CEP57: variants seen among roughly 807,000 people sequenced by gnomAD.
The protein encoded by CEP57 is centrosomal protein of 57 kDa.
A neutral mutation model predicts 68.0 loss-of-function variants in CEP57; 40 were observed. The ratio of observed to expected loss-of-function variants is 0.59; its 90% CI spans 0.46 to 0.77. The LOEUF (loss-of-function observed/expected upper bound fraction) is 0.77, where lower values mean the gene tolerates loss of function less well. CEP57 is among the 30% of genes least tolerant of loss of function. CEP57 has a pLI of 0.00. For missense variants in CEP57, 606 were observed against 580.7 expected, an observed-to-expected ratio of 1.04 and a Z score of -0.45; for synonymous variants, 219 against 198.7, an observed-to-expected ratio of 1.10 and a Z score of -0.86.
intron 8 of CEP57, chr11:95,826,717 A>G (rs1862758644): frequency 6.6e-6 from 1 of 152,156 alleles, no homozygotes. Context: ...ACAGAACGAG[A>G]ATTTTTTAAA....
At chr11:95,790,387 G>A (rs541733528), upstream of CEP57, 34 of 481,020 alleles carry the variant, frequency 7.1e-5, no homozygotes, top group East Asian at 6.2e-4. Context: ...AGCGGGCCCC[G>A]TTACGCGCTA....
intron 2 of CEP57, among the ~76,000 whole-genome samples, chr11:95,810,190 G>T (rs1861993263): frequency 6.6e-6 from 1 of 152,156 alleles, no homozygotes; most frequent in African/African-American, 2.4e-5. Flanking sequence ...AGGTATTGAT[G>T]GGACGTATCT....
intron 1 of CEP57, among the ~76,000 whole-genome samples, chr11:95,793,097 A>G (rs779877074): frequency 1.3e-5 from 2 of 152,256 alleles, no homozygotes; most frequent in African/African-American, 4.8e-5. Flanking sequence ...ATTTTTAACA[A>G]GTAGATTCAT....
Position 95,827,980 on chromosome 11 carries a change from G to A in CEP57, c.1080G>A (p.Leu360=). 1.9e-6 allele frequency: 3 copies of A among 1,613,936 alleles called. No homozygotes were observed. The highest frequency in any genetic ancestry group is 2.5e-6 in the Non-Finnish European group (3 of 1,179,940). ...CCTCCAACGGTATTAATGAGGAGTTGTCAGAAGTCTTACAGACTTTACAGG... is the reference window on the plus strand; with the variant it reads ...CCTCCAACGGTATTAATGAGGAGTTATCAGAAGTCTTACAGACTTTACAGG... ...PPSSNGINEE[L]SEVLQTLQDE... The change falls in exon 9 of 11, where the codon TTG becomes TTA. Residue 360 remains leucine (L), a synonymous_variant. Transcript: ENST00000325542.
chr11:95,832,504 A>G lies in CEP57; in HGVS notation c.*1248A>G, dbSNP rs1863049138. 6.6e-6 allele frequency: 1 copy of G among 152,128 alleles called. No individual in the cohort carries two copies. The highest frequency in any genetic ancestry group is 1.9e-4 in the East Asian group (1 of 5,202). The allele number at this position is 152,128 out of a possible 1,614,324, so 9.4% of individuals were successfully genotyped here. On this transcript the variant is annotated 3_prime_UTR_variant, in exon 11 of 11. Coordinates refer to ENST00000325542, the MANE Select transcript of CEP57 (RefSeq NM_014679.5). Reference sequence around the variant, plus strand: ...ATTGTAAACTTGTGCTTCTGTGTCCAGTTTTCTAATGAGTAGGTTCGTAGC... The same window carrying G: ...ATTGTAAACTTGTGCTTCTGTGTCCGGTTTTCTAATGAGTAGGTTCGTAGC...
rs541516718 is a variant in CEP57 at position 95,794,611 on chromosome 11, C to T, written c.45+3868C>T. Among the ~76,000 whole-genome samples, 4 of 151,928 alleles carry T rather than the reference C, an allele frequency of 2.6e-5. No individual in the cohort carries two copies. The South Asian group carries it at 6.3e-4, about 24-fold the overall frequency. On this transcript the variant is annotated intron_variant, in intron 1 of 10. Transcript: ENST00000325542. The stretch of plus-strand genomic sequence containing the variant: ...TCTTCTGTGAAATACCTGTTCATGT[C>T]CTTTGCCTGTTTTTGTCTGTTAAGA...
chr11:95,803,825 CA>C (rs768058830), intron 2 of CEP57, among the ~76,000 whole-genome samples: 25 of 151,732 alleles, frequency 1.6e-4, no homozygotes, highest in Non-Finnish European at 3.1e-4. Context: ...ATGTTTCGGA[CA>C]AAAGTCCCAA....
At chr11:95,821,755 T>C in intron 6 of CEP57, 116 bp from the exon 7 acceptor site, 1 of 712,764 alleles carries the variant, frequency 1.4e-6, no homozygotes, top group Non-Finnish European at 2.5e-6. Context: ...AGCTGTAATA[T>C]GTTTTTCAGT....
At chr11:95,815,769 C>T (rs1386578277) in intron 4 of CEP57, among the ~76,000 whole-genome samples, 1 of 152,082 alleles carries the variant, frequency 6.6e-6, no homozygotes, top group Non-Finnish European at 1.5e-5. Flanking sequence ...GGCAATAGAG[C>T]GAGACCCAGT....
chr11:95,827,683 T>G (rs770075373), intron 8 of CEP57, 103 bp from the exon 9 acceptor site: 1 of 1,298,554 alleles, frequency 7.7e-7, no homozygotes, highest in East Asian at 2.3e-5. Context: ...TTATATACTC[T>G]ACTTTAGGGG....
At chr11:95,808,698 A>G (rs914221952) in intron 2 of CEP57, among the ~76,000 whole-genome samples, 4 of 152,242 alleles carry the variant, frequency 2.6e-5, no homozygotes, top group Non-Finnish European at 4.4e-5. Flanking sequence ...ACCCAGATTC[A>G]TAAAGCAAGT....
At chr11:95,823,480 G>A (rs1472268970) in intron 8 of CEP57, among the ~76,000 whole-genome samples, 1 of 152,212 alleles carries the variant, frequency 6.6e-6, no homozygotes, top group East Asian at 1.9e-4. Context: ...AAGTTGGTAT[G>A]TCATAGATGC....
intron 4 of CEP57, 125 bp from the exon 5 acceptor site, chr11:95,817,662 C>T: frequency 1.4e-6 from 1 of 724,108 alleles, no homozygotes; most frequent in Non-Finnish European, 2.5e-6. Context: ...ATGGTTTCAT[C>T]TTAATGTTAT....
At chr11:95,824,707 G>T (rs1256161348) in intron 8 of CEP57, among the ~76,000 whole-genome samples, 2 of 152,174 alleles carry the variant, frequency 1.3e-5, no homozygotes, top group African/African-American at 4.8e-5. Context: ...TTATAAGTAA[G>T]GAGGACAAGT....
intron 1 of CEP57, chr11:95,794,230 TGGGCTCTGG>T (rs910856813): frequency 4.4e-5 from 20 of 455,478 alleles, no homozygotes; most frequent in African/African-American, 3.8e-4. Flanking sequence ...GACCAGAGGC[TGGGCTCTGG>T]ATTACAGCTC....
chr11:95,818,924 A>G lies in CEP57; in HGVS notation c.699+20A>G. 11 of 1,583,214 alleles carry G rather than the reference A, an allele frequency of 6.9e-6. No individual in the cohort carries two copies. Among genetic ancestry groups the G allele is most frequent in the Non-Finnish European group, 8.7e-6 (10 of 1,152,088 alleles). On this transcript the variant is annotated intron_variant, in intron 6 of 10. Transcript: ENST00000325542. ...GCTGAGGTAAGTTAAAATGTGAGAA[A>G]GTGGGCTCTTCATATTTCTTACCGC...
At chr11:95,829,141 G>A (rs771600608) in intron 9 of CEP57, 46 bp from the exon 10 acceptor site, 4 of 1,606,890 alleles carry the variant, frequency 2.5e-6, no homozygotes, top group Non-Finnish European at 3.4e-6. Context: ...ACCTAACCAT[G>A]AAACACAGAA....
chr11:95,824,075 A>T (rs943702164), intron 8 of CEP57, among the ~76,000 whole-genome samples: 5 of 62,710 alleles, frequency 8.0e-5, no homozygotes, highest in Non-Finnish European at 2.3e-4. Flanking sequence ...GCCTATTGTA[A>T]AAAAAAAAAA....
chr11:95,825,695 C>G (rs1862710615), intron 8 of CEP57: 3 of 149,800 alleles, frequency 2.0e-5, no homozygotes, highest in Admixed American at 6.7e-5. Flanking sequence ...CTCCTGGGTT[C>G]AAGCAATTCT....
Sources: allele counts gnomAD v4.1 joint callset (sites outside exome capture counted in the v4.1 genomes callset), GRCh38; gene constraint gnomAD v4.1.1; transcripts MANE v1.5; gene names NCBI Gene and HGNC (gene_info 2026-07-23, HGNC 2026-07-21).